The following PIEZO2 variants were observed in gnomAD, a reference collection of about 807,000 sequenced individuals.
The protein encoded by PIEZO2 is piezo-type mechanosensitive ion channel component 2.
A neutral mutation model predicts 337.3 loss-of-function variants in PIEZO2; 172 were observed. The ratio of observed to expected loss-of-function variants is 0.51; its 90% CI spans 0.45 to 0.58. The LOEUF (loss-of-function observed/expected upper bound fraction) is 0.58, where lower values mean the gene tolerates loss of function less well. Ranked by LOEUF, PIEZO2 falls within the 20% of genes least tolerant of loss-of-function variation. The pLI, the probability that PIEZO2 is intolerant of heterozygous loss-of-function variation, is 0.00. For missense variants in PIEZO2, 3,028 were observed against 3,391.3 expected, an observed-to-expected ratio of 0.89 and a Z score of 2.66; for synonymous variants, 1,251 against 1,228.5, an observed-to-expected ratio of 1.02 and a Z score of -0.38.
chr18:10,737,361 CACA>C (rs1209605558), intron 33 of PIEZO2, among the ~76,000 whole-genome samples: 1 of 151,072 alleles, frequency 6.6e-6, no homozygotes, highest in Non-Finnish European at 1.5e-5. Context: ...AACAACACAA[CACA>C]ACAACAACAA....
chr18:11,005,885 A>G (rs561517688), intron 2 of PIEZO2, among the ~76,000 whole-genome samples: 3 of 152,350 alleles, frequency 2.0e-5, no homozygotes, highest in African/African-American at 7.2e-5. Flanking sequence ...TGACTCATCT[A>G]CAAAGGGAGT....
chr18:11,062,360 A>C (rs564584094), intron 2 of PIEZO2, among the ~76,000 whole-genome samples: 269 of 152,340 alleles, frequency 1.8e-3, no homozygotes, highest in Non-Finnish European at 3.2e-3. Context: ...CAAGGACTTC[A>C]TGTCTAAAAC....
rs965595289 is a variant in PIEZO2 at position 11,083,561 on chromosome 18, G to A, written c.65-17339C>T. Among the ~76,000 whole-genome samples, 2 of 152,176 alleles carry A rather than the reference G, an allele frequency of 1.3e-5. No individual in the cohort carries two copies. Among genetic ancestry groups the A allele is most frequent in the Non-Finnish European group, 2.9e-5 (2 of 68,028 alleles). On this transcript the variant is annotated intron_variant, in intron 1 of 55. Coordinates refer to ENST00000674853, the MANE Select transcript of PIEZO2 (RefSeq NM_001378183.1). The surrounding 1 kb of genome is among the most constrained non-coding windows in gnomAD (Gnocchi z 4.4). ...AGGTGGTGCCAGCCCTGCAGGGCACGGTGTGGGCTCTTCCTGTGGCATGCA... is the reference window on the plus strand; with the variant it reads ...AGGTGGTGCCAGCCCTGCAGGGCACAGTGTGGGCTCTTCCTGTGGCATGCA...
intron 2 of PIEZO2, among the ~76,000 whole-genome samples, chr18:10,981,205 A>T (rs1473116718): frequency 2.0e-5 from 3 of 152,088 alleles, no homozygotes; most frequent in African/African-American, 7.2e-5. Flanking sequence ...CACTTGTTGG[A>T]CCTTGACTGA....
At chr18:10,710,792 G>T (rs2035790222) in intron 39 of PIEZO2, among the ~76,000 whole-genome samples, 1 of 152,178 alleles carries the variant, frequency 6.6e-6, no homozygotes, top group Non-Finnish European at 1.5e-5. Context: ...TCTAGGGAGG[G>T]TTACTACCTT....
Position 11,080,047 on chromosome 18 carries a change from A to C in PIEZO2, c.65-13825T>G, listed in dbSNP as rs1194050097. Among the ~76,000 whole-genome samples the C allele has an allele frequency of 6.6e-6, 1 of 152,204 alleles. No individual in the cohort carries two copies. The highest frequency in any genetic ancestry group is 1.5e-5 in the Non-Finnish European group (1 of 68,028). ...GCTCAGAAGGATGCACACACTGTCC[A>C]GTGTCAAGGAAAAACTGGGAACTAA... On this transcript the variant is annotated intron_variant, in intron 1 of 55. Coordinates refer to ENST00000674853, the MANE Select transcript of PIEZO2 (RefSeq NM_001378183.1). The surrounding 1 kb of genome is among the most constrained non-coding windows in gnomAD (Gnocchi z 5.4).
At chr18:10,832,320 T>G (rs11876699) in intron 7 of PIEZO2, among the ~76,000 whole-genome samples, 49,063 of 151,976 alleles carry the variant, frequency 0.32, 8,360 homozygotes, top group African/African-American at 0.43. Flanking sequence ...CATTAGAATT[T>G]AGGGGAAGGG....
At chr18:11,133,962 C>T (rs1343574450) in intron 1 of PIEZO2, among the ~76,000 whole-genome samples, 1 of 151,798 alleles carries the variant, frequency 6.6e-6, no homozygotes, top group South Asian at 2.1e-4. Context: ...AAAATAATTC[C>T]AGTGTGGTTA....
chr18:10,857,880 C>G (rs2041752005), intron 5 of PIEZO2, among the ~76,000 whole-genome samples: 1 of 152,140 alleles, frequency 6.6e-6, no homozygotes, highest in Non-Finnish European at 1.5e-5. Flanking sequence ...TTATTTTAAA[C>G]TGGGTATGCT....
intron 2 of PIEZO2, among the ~76,000 whole-genome samples, chr18:11,059,059 C>G (rs926982985): frequency 5.9e-5 from 9 of 152,182 alleles, no homozygotes; most frequent in Admixed American, 1.3e-4. Context: ...GCTGATTTCT[C>G]GGCAGAAACT....
intron 1 of PIEZO2, among the ~76,000 whole-genome samples, chr18:11,098,985 T>G (rs76165815): frequency 6.6e-6 from 1 of 151,186 alleles, no homozygotes; most frequent in African/African-American, 2.4e-5. Context: ...TTTTTTTTTT[T>G]GTAGAGATGG....
At chr18:10,800,280 A>G in intron 11 of PIEZO2, 57 bp downstream of exon 11, 1 of 1,489,434 alleles carries the variant, frequency 6.7e-7, no homozygotes, top group South Asian at 1.3e-5. Context: ...AAAAAGAGAG[A>G]GGCCAAGCTT....
intron 37 of PIEZO2, among the ~76,000 whole-genome samples, chr18:10,717,510 C>T (rs538454817): frequency 5.9e-5 from 9 of 152,322 alleles, no homozygotes; most frequent in Admixed American, 2.6e-4. Flanking sequence ...ACCGCATAGG[C>T]GCTCCAAAGC....
rs1441017654 is a variant in PIEZO2, at chr18:10,821,552, T to G, written c.918-14278A>C. Among the ~76,000 whole-genome samples, 1 of 152,224 alleles carries G rather than the reference T, an allele frequency of 6.6e-6. No homozygotes were observed. Among genetic ancestry groups the G allele is most frequent in the East Asian group, 1.9e-4 (1 of 5,204 alleles). On this transcript the variant is annotated intron_variant, in intron 7 of 55. Transcript: ENST00000674853. The surrounding 1 kb of genome is among the most constrained non-coding windows in gnomAD (Gnocchi z 4.2). Reference sequence around the variant, plus strand: ...AATAAATATTTTATTTGTAACCAGCTTATACATTAAAATGAATAATTACAT... The same window carrying G: ...AATAAATATTTTATTTGTAACCAGCGTATACATTAAAATGAATAATTACAT...
At chr18:10,822,325 T>C (rs2040542587) in intron 7 of PIEZO2, among the ~76,000 whole-genome samples, 1 of 150,992 alleles carries the variant, frequency 6.6e-6, no homozygotes, top group South Asian at 2.1e-4. Flanking sequence ...TACAGCTTTA[T>C]ATTGGAAATA....
At chr18:11,024,341 C>G (rs575226416) in intron 2 of PIEZO2, among the ~76,000 whole-genome samples, 9 of 151,954 alleles carry the variant, frequency 5.9e-5, no homozygotes, top group African/African-American at 2.2e-4. Flanking sequence ...GTCAGGAGAT[C>G]GAGACCATCC....
rs2035091084 is a variant in PIEZO2 at position 10,696,466 on chromosome 18, C to T, written c.6901G>A (p.Asp2301Asn). Residue 2301 changes from aspartate to asparagine, a missense_variant, in exon 46 of 56, where the codon GAC (aspartate) becomes AAC (asparagine). Physicochemically the swap from Asp to Asn is conservative, Grantham distance 23. This residue lies in a region of PIEZO2 where 1,925 missense variants were observed against 2,051.9 expected (regional missense o/e 0.94). Coordinates refer to ENST00000674853, the MANE Select transcript of PIEZO2 (RefSeq NM_001378183.1). ...GCCAGGAACATGAGTACATACACGT[C>T]AGTCACGGCGCTATACTCCGGGTGG... ...LIHPEYSAVT[D>N]VYVLMFLADT... 6.2e-7 allele frequency: 1 copy of T among 1,614,066 alleles called. No individual in the cohort carries two copies. Among genetic ancestry groups the T allele is most frequent in the Non-Finnish European group, 8.5e-7 (1 of 1,180,026 alleles).
rs994692038 is a variant in PIEZO2 at position 10,828,053 on chromosome 18, T to C, written c.918-20779A>G. Among the ~76,000 whole-genome samples, 24 of 151,972 alleles carry C rather than the reference T, an allele frequency of 1.6e-4. No homozygotes were observed. The highest frequency in any genetic ancestry group is 5.5e-4 in the African/African-American group (23 of 41,470). On this transcript the variant is annotated intron_variant, in intron 7 of 55. Transcript: ENST00000674853. The surrounding 1 kb of genome is among the most constrained non-coding windows in gnomAD (Gnocchi z 4.1). ...GCAAAAGATGAATAAACATATAAAC[T>C]ATTGCAACCCCAAGGCAAACTTAGC...
In PIEZO2 at chr18:10,953,653, T is replaced by C. The variant is rs1340565043; in HGVS notation, c.286+25882A>G. Among the ~76,000 whole-genome samples the C allele has an allele frequency of 1.3e-5, 2 of 151,968 alleles. No homozygotes were observed. The highest frequency in any genetic ancestry group is 1.5e-5 in the Non-Finnish European group (1 of 68,002). ...TATGATGACCTCGTATTCACCTCAT[T>C]AGTGAGGAAGGCATCCACTGCCCTA... On this transcript the variant is annotated intron_variant, in intron 3 of 55. Transcript: ENST00000674853. The surrounding 1 kb of genome is among the most constrained non-coding windows in gnomAD (Gnocchi z 5.2).
Sources: gnomAD v4.1 joint callset for allele counts (sites outside exome capture counted in the v4.1 genomes callset) on GRCh38, gnomAD v4.1.1 for gene constraint, gnomAD v4.1.1 regional missense constraint, Gnocchi (gnomAD v3.1) non-coding constraint, MANE v1.5 for transcripts, NCBI Gene and HGNC (gene_info 2026-07-23, HGNC 2026-07-21) for gene names.